NALF1: variants seen among roughly 807,000 people sequenced by gnomAD.
NALF1 encodes NALCN channel auxiliary factor 1, also known as family with sequence similarity 155 member A.
In NALF1, 3 loss-of-function variants were observed where a neutral mutation model predicts 48.4. That is an observed-to-expected ratio of 0.06 (90% CI 0.03 to 0.16). NALF1 has a LOEUF of 0.16. NALF1 is among the 10% of genes least tolerant of loss of function. NALF1 has a pLI of 1.00. For missense variants in NALF1, 526 were observed against 571.5 expected, an observed-to-expected ratio of 0.92 and a Z score of 0.81; for synonymous variants, 262 against 245.7, an observed-to-expected ratio of 1.07 and a Z score of -0.62.
chr13:107,813,731 A>G (rs1879073412), intron 1 of NALF1, among the ~76,000 whole-genome samples: 1 of 152,008 alleles, frequency 6.6e-6, no homozygotes, highest in Non-Finnish European at 1.5e-5. Context: ...TTCAAACAAG[A>G]AGAAGAAGAA....
chr13:107,583,324 A>T (rs956475764), intron 1 of NALF1, among the ~76,000 whole-genome samples: 2 of 152,188 alleles, frequency 1.3e-5, no homozygotes, highest in African/African-American at 4.8e-5. Flanking sequence ...TAAATGTTCA[A>T]ATAATGTTAT....
At chr13:107,476,633 C>T (rs77501586) in intron 1 of NALF1, among the ~76,000 whole-genome samples, 7,204 of 152,040 alleles carry the variant, frequency 0.047, 387 homozygotes, top group African/African-American at 0.13. Context: ...GAATAAAGTT[C>T]AGATACTTTT....
chr13:107,618,664 A>G (rs191310194), intron 1 of NALF1, among the ~76,000 whole-genome samples: 34 of 152,246 alleles, frequency 2.2e-4, no homozygotes, highest in Admixed American at 2.6e-4. Context: ...TTGCTGGAAG[A>G]CTTCATGTGT....
At position 107,800,563 on chromosome 13, in the gene NALF1, T is replaced by C. The variant is rs1022388917; in HGVS notation, c.915+65119A>G. ...TAAGTCTCATAGTAATAAGTATAGT[T>C]TACTGTATTTAATATAATATACAAT... On this transcript the variant is annotated intron_variant, in intron 1 of 2. Transcript: ENST00000375915. Among the ~76,000 whole-genome samples, 5 of 148,010 alleles carry C rather than the reference T, an allele frequency of 3.4e-5. 1 individual carries two copies. The highest frequency in any genetic ancestry group is 2.1e-4 in the South Asian group (1 of 4,794).
rs1879692536 is a variant in NALF1, at chr13:107,830,687, C to G, written c.915+34995G>C. ...GTTTCCATCCCTCCTCTTTTTCCCT[C>G]CAAACACTCTCTCCGTGTGATCTCA... On this transcript the variant is annotated intron_variant, in intron 1 of 2. Coordinates refer to ENST00000375915, the MANE Select transcript of NALF1 (RefSeq NM_001080396.3). Among the ~76,000 whole-genome samples the G allele has an allele frequency of 2.0e-5, 3 of 152,204 alleles. No homozygotes were observed. In the South Asian group the frequency reaches 6.2e-4, roughly 32 times the overall value.
At chr13:107,404,528 C>T (rs576193004) in intron 1 of NALF1, among the ~76,000 whole-genome samples, 1 of 152,020 alleles carries the variant, frequency 6.6e-6, no homozygotes, top group Admixed American at 6.6e-5. Flanking sequence ...AAATTCAGTT[C>T]CTAACAAGGT....
intron 1 of NALF1, among the ~76,000 whole-genome samples, chr13:107,286,621 A>G (rs549321057): frequency 6.6e-6 from 1 of 151,960 alleles, no homozygotes; most frequent in African/African-American, 2.4e-5. Context: ...AAGAAAAGAA[A>G]CAACAAAGCT....
intron 1 of NALF1, among the ~76,000 whole-genome samples, chr13:107,743,190 AT>A (rs1484460387): frequency 6.6e-6 from 1 of 152,154 alleles, no homozygotes; most frequent in Non-Finnish European, 1.5e-5. Context: ...TCCCAAAGAG[AT>A]TGAGTCTCAA....
intron 1 of NALF1, among the ~76,000 whole-genome samples, chr13:107,807,569 A>AAC (rs746083466): frequency 3.3e-5 from 5 of 152,328 alleles, no homozygotes; most frequent in Admixed American, 6.5e-5. Flanking sequence ...CTATTGTGAT[A>AAC]ACACGGAAAA....
Position 107,605,117 on chromosome 13 carries a change from T to C in NALF1, c.915+260565A>G, listed in dbSNP as rs145858345. Among the ~76,000 whole-genome samples the C allele has an allele frequency of 3.8e-3, 572 of 152,286 alleles. 2 individuals are homozygous for C. Among genetic ancestry groups the C allele is most frequent in the Non-Finnish European group, 5.9e-3 (401 of 68,020 alleles). ...TCACACATTGGCTCTAGAAACGAACTCTTAGCTGCTGCAATACCCAAAAGG... is the reference window on the plus strand; with the variant it reads ...TCACACATTGGCTCTAGAAACGAACCCTTAGCTGCTGCAATACCCAAAAGG... On this transcript the variant is annotated intron_variant, in intron 1 of 2. Transcript: ENST00000375915.
intron 1 of NALF1, among the ~76,000 whole-genome samples, chr13:107,807,331 T>A (rs1267440989): frequency 2.6e-5 from 4 of 152,178 alleles, no homozygotes; most frequent in African/African-American, 9.7e-5. Flanking sequence ...TACACCTGGA[T>A]GACTCTGCAA....
chr13:107,172,155 C>A (rs1379833649), intron 2 of NALF1, among the ~76,000 whole-genome samples: 1 of 152,220 alleles, frequency 6.6e-6, no homozygotes, highest in East Asian at 1.9e-4. Context: ...CCTCTACATA[C>A]TTCTCATTTA....
intron 2 of NALF1, among the ~76,000 whole-genome samples, chr13:107,196,207 T>G (rs9587313): frequency 0.38 from 57,199 of 151,996 alleles, 11,278 homozygotes; most frequent in Middle Eastern, 0.53. Flanking sequence ...GTACTAGGCT[T>G]AATGCCTGGG....
intron 1 of NALF1, among the ~76,000 whole-genome samples, chr13:107,507,831 A>G (rs1280608124): frequency 6.6e-6 from 1 of 152,122 alleles, no homozygotes; most frequent in East Asian, 1.9e-4. Flanking sequence ...ATAAGCTTAG[A>G]AATCTCGAAC....
chr13:107,266,805 T>C (rs747254227), intron 1 of NALF1, among the ~76,000 whole-genome samples: 2 of 152,218 alleles, frequency 1.3e-5, no homozygotes, highest in African/African-American at 2.4e-5. Flanking sequence ...TATTGCTCAA[T>C]AATACTGCAA....
intron 2 of NALF1, among the ~76,000 whole-genome samples, chr13:107,182,704 A>G (rs1346509473): frequency 6.6e-6 from 1 of 152,242 alleles, no homozygotes; most frequent in Non-Finnish European, 1.5e-5. Flanking sequence ...AAGATCATTA[A>G]TGAGAAAATT....
intron 1 of NALF1, among the ~76,000 whole-genome samples, chr13:107,309,168 G>A (rs1051636816): frequency 1.3e-5 from 2 of 152,086 alleles, no homozygotes; most frequent in African/African-American, 4.8e-5. Context: ...AACCTTGTAG[G>A]CCCTCAAAAA....
intron 1 of NALF1, among the ~76,000 whole-genome samples, chr13:107,644,068 ATT>A (rs918831577): frequency 1.2e-3 from 89 of 71,822 alleles, no homozygotes; most frequent in Non-Finnish European, 2.4e-3. Flanking sequence ...ACAGATATTT[ATT>A]TTTAAGTAGA....
intron 1 of NALF1, among the ~76,000 whole-genome samples, chr13:107,636,241 A>T (rs1461333027): frequency 1.3e-5 from 2 of 152,122 alleles, no homozygotes; most frequent in Non-Finnish European, 2.9e-5. Flanking sequence ...TGAATCCATT[A>T]CCCAGAATAA....
Sources: allele counts gnomAD v4.1 joint callset (sites outside exome capture counted in the v4.1 genomes callset), GRCh38; gene constraint gnomAD v4.1.1; transcripts MANE v1.5; gene names NCBI Gene and HGNC (gene_info 2026-07-23, HGNC 2026-07-21).